HEATR4: variants seen among roughly 807,000 people sequenced by gnomAD.
HEATR4 encodes the protein HEAT repeat containing 4, also known as HEAT repeat-containing protein 4.
A neutral mutation model predicts 108.8 loss-of-function variants in HEATR4; 95 were observed. That is an observed-to-expected ratio of 0.87 (90% confidence interval 0.74 to 1.04). The LOEUF is 1.04. HEATR4 is among the 50% of genes least tolerant of loss of function. HEATR4 has a pLI of 0.00. For synonymous variants in HEATR4, 443 were observed against 459.4 expected, an observed-to-expected ratio of 0.96 and a Z score of 0.46; for missense variants, 1,152 against 1,253.8, an observed-to-expected ratio of 0.92 and a Z score of 1.23.
chr14:73,495,991 G>A, intron 15 of HEATR4, among the ~76,000 whole-genome samples: 1 of 152,132 alleles, frequency 6.6e-6, no homozygotes, highest in East Asian at 1.9e-4. Context: ...TTAGTTGGGT[G>A]TGGTGGCACA....
At chr14:73,500,360 G>A (rs1210819325) in intron 12 of HEATR4, among the ~76,000 whole-genome samples, 190 bp downstream of exon 12, 1 of 150,874 alleles carries the variant, frequency 6.6e-6, no homozygotes, top group Non-Finnish European at 1.5e-5. Flanking sequence ...CTTCCATTGT[G>A]GCCCAGGGAA....
At chr14:73,632,012 T>G in the HEATR4 span, 4 of 155,384 alleles carry the variant, frequency 2.6e-5, no homozygotes, top group African/African-American at 9.6e-5. Flanking sequence ...GAGCCAGTGG[T>G]TGACTATGGA....
At position 73,506,814 on chromosome 14, in the gene HEATR4, T is replaced by G. The variant is rs563517392; in HGVS notation, c.1882-243A>C. On this transcript the variant is annotated intron_variant, in intron 9 of 17. Transcript: ENST00000553558. ...TTCCTGACTTTAACTGTTTTTTTTT[T>G]TTTTTTTTTTTCTGAGAAGGTTGTC... 6.8e-5 allele frequency among the ~76,000 whole-genome samples: 9 copies of G among 132,494 alleles called. No individual in the cohort carries two copies. In the South Asian group the frequency reaches 9.3e-4, roughly 14 times the overall value. The allele number at this position is 132,494 out of a possible 152,430, so 86.9% of individuals were successfully genotyped here.
the HEATR4 span, among the ~76,000 whole-genome samples, chr14:73,633,291 C>G: frequency 6.6e-6 from 1 of 152,160 alleles, no homozygotes; most frequent in Non-Finnish European, 1.5e-5. Flanking sequence ...AGGCGTGAGC[C>G]ACTGCGGGCT....
chr14:73,613,222 C>T, the HEATR4 span, among the ~76,000 whole-genome samples: 12 of 152,160 alleles, frequency 7.9e-5, no homozygotes. Flanking sequence ...ACACTGCAGC[C>T]TCGAACTCCT....
intron 1 of HEATR4, among the ~76,000 whole-genome samples, chr14:73,542,801 T>C (rs1275326538): frequency 3.6e-5 from 4 of 110,898 alleles, no homozygotes; most frequent in African/African-American, 9.2e-5. Flanking sequence ...TGGGAGATAA[T>C]GAGATTAAGG....
chr14:73,621,373 G>A, the HEATR4 span, among the ~76,000 whole-genome samples: 1 of 152,104 alleles, frequency 6.6e-6, no homozygotes, highest in Admixed American at 6.6e-5. Context: ...TACCTTGCAC[G>A]CCATGGCCTT....
intron 10 of HEATR4, among the ~76,000 whole-genome samples, chr14:73,505,821 G>T (rs1197794262): frequency 6.6e-6 from 1 of 152,022 alleles, no homozygotes; most frequent in African/African-American, 2.4e-5. Context: ...ATTTTGGCGG[G>T]GGGGAAATAT....
the HEATR4 span, among the ~76,000 whole-genome samples, chr14:73,625,537 T>C: frequency 1.8e-4 from 27 of 151,964 alleles, no homozygotes; most frequent in Non-Finnish European, 3.8e-4. Context: ...AATTTTTGTA[T>C]TTTTAGTAGA....
the HEATR4 span, among the ~76,000 whole-genome samples, chr14:73,633,374 G>C: frequency 6.6e-6 from 1 of 152,076 alleles, no homozygotes; most frequent in African/African-American, 2.4e-5. Context: ...CTATGTCCCC[G>C]CTGGGCTCGT....
At chr14:73,625,321 G>A in the HEATR4 span, among the ~76,000 whole-genome samples, 30 of 151,988 alleles carry the variant, frequency 2.0e-4, no homozygotes, top group African/African-American at 6.5e-4. Context: ...GCCTCTCAAA[G>A]TGCTGGGATT....
chr14:73,510,898 T>C (rs988969614), intron 7 of HEATR4, among the ~76,000 whole-genome samples: 1 of 152,262 alleles, frequency 6.6e-6, no homozygotes, highest in Non-Finnish European at 1.5e-5. Flanking sequence ...GGCCTGCCTG[T>C]TATAAGTTAC....
rs149945107 is a variant in HEATR4 at position 73,516,147 on chromosome 14, CA to C, written c.1211-1914del. Among the ~76,000 whole-genome samples, 22 of 9,158 alleles carry C rather than the reference CA, an allele frequency of 2.4e-3. 1 individual carries two copies. The highest frequency in any genetic ancestry group is 0.014 in the East Asian group (2 of 142). The allele number at this position is 9,158 out of a possible 152,430, so 6.0% of individuals were successfully genotyped here. On this transcript the variant is annotated intron_variant, in intron 5 of 17. Coordinates refer to ENST00000553558, the MANE Select transcript of HEATR4 (RefSeq NM_001220484.1). The stretch of plus-strand genomic sequence containing the variant: ...AGCCATCTTCCACATCAACAGTCAT[CA>C]AAAAAAAAAAAAAAAAAAAAAAAAA...
the HEATR4 span, among the ~76,000 whole-genome samples, chr14:73,564,223 G>A: frequency 5.3e-5 from 8 of 151,304 alleles, no homozygotes; most frequent in Non-Finnish European, 7.4e-5. Context: ...GCTGGAACCC[G>A]GGAGCCAGAG....
rs1469965946 is a variant in HEATR4 at position 73,540,961 on chromosome 14, C to T, written c.-151-10717G>A. 2.7e-4 allele frequency among the ~76,000 whole-genome samples: 31 copies of T among 115,618 alleles called. 3 individuals carry two copies. The highest frequency in any genetic ancestry group is 5.8e-4 in the Non-Finnish European group (31 of 53,172). The allele number at this position is 115,618 out of a possible 152,430, so 75.8% of individuals were successfully genotyped here. On this transcript the variant is annotated intron_variant, in intron 1 of 17. Transcript: ENST00000553558. ...TTCACCATGTTGGCCAGGCTGGTCTCGAACTCCTGACCTCAGGTGATCCAC... is the reference window on the plus strand; with the variant it reads ...TTCACCATGTTGGCCAGGCTGGTCTTGAACTCCTGACCTCAGGTGATCCAC...
chr14:73,521,084 G>A, intron 3 of HEATR4, 45 bp from the exon 4 acceptor site: 1 of 1,525,458 alleles, frequency 6.6e-7, no homozygotes, highest in Non-Finnish European at 9.0e-7. Context: ...AAGAGTAGGA[G>A]GTGGATCCCC....
At position 73,522,894 on chromosome 14, in the gene HEATR4, G is replaced by T; in HGVS notation, c.259C>A (p.Pro87Thr). Residue 87 changes from proline (P) to threonine (T), a missense_variant, in exon 3 of 18, where the codon CCT becomes ACT. Transcript: ENST00000553558. ...VVWQRGLPSI[P>T]YSQYSFDHLY... The stretch of plus-strand genomic sequence containing the variant: ...TGGTCAAAGCTGTACTGGCTATAAG[G>T]AATGCTGGGCAGGCCTCGCTGCCAC... The T allele has an allele frequency of 6.2e-7, 1 of 1,614,204 alleles. No individual in the cohort carries two copies. Among genetic ancestry groups the T allele is most frequent in the Non-Finnish European group, 8.5e-7 (1 of 1,180,032 alleles).
chr14:73,595,212 T>G, the HEATR4 span: 1 of 1,614,182 alleles, frequency 6.2e-7, no homozygotes, highest in South Asian at 1.1e-5. Flanking sequence ...ATTCCACCAT[T>G]GGGCTATGAC....
the HEATR4 span, chr14:73,612,605 C>A: frequency 3.4e-4 from 475 of 1,417,092 alleles, 6 homozygotes; most frequent in South Asian, 6.2e-3. Context: ...GCCCGCGGGC[C>A]GCTGCTGCTG....
Sources: gnomAD v4.1 joint callset for allele counts (sites outside exome capture counted in the v4.1 genomes callset) on GRCh38, gnomAD v4.1.1 for gene constraint, MANE v1.5 for transcripts, NCBI Gene and HGNC (gene_info 2026-07-23, HGNC 2026-07-21) for gene names.